The following UNC79 variants were observed in gnomAD, a reference collection of about 807,000 sequenced individuals.
UNC79 encodes unc-79 subunit of NALCN channel complex, also known as protein unc-79 homolog.
UNC79 carries 37 observed loss-of-function variants against 283.1 expected under a neutral mutation model. That is an observed-to-expected ratio of 0.13 (90% CI 0.10 to 0.17). The LOEUF is 0.17. UNC79 is among the 10% of genes least tolerant of loss of function. UNC79 has a pLI of 1.00. For missense variants in UNC79, 2,272 were observed against 3,211.1 expected (o/e 0.71, Z 7.07); for synonymous variants, 1,107 against 1,200.2 (o/e 0.92, Z 1.61).
intron 2 of UNC79, 118 bp from the exon 3 acceptor site, chr14:93,473,971 T>C (rs2057661770): frequency 1.6e-6 from 2 of 1,273,436 alleles, no homozygotes; most frequent in South Asian, 3.1e-5. Flanking sequence ...GGCGTGGCAA[T>C]TGCATCTTAT....
intron 1 of UNC79, among the ~76,000 whole-genome samples, chr14:93,414,650 C>G (rs9707262): frequency 0.084 from 12,731 of 152,160 alleles, 582 homozygotes; most frequent in Middle Eastern, 0.14. Context: ...TTGATTCTTC[C>G]TACTCATGAG....
At chr14:93,468,941 A>G (rs2057359447) in intron 2 of UNC79, among the ~76,000 whole-genome samples, 1 of 152,166 alleles carries the variant, frequency 6.6e-6, no homozygotes, top group Admixed American at 6.5e-5. Context: ...ATCATCAGAA[A>G]AATTTATGAA....
In UNC79 at chr14:93,621,496, C is replaced by G; in HGVS notation, c.4388-125C>G. ...CTTACAAAAACTTGGCCAGAAAGTT[C>G]GTTTTCCCTCCTGGTGGAGCTGGGA... On this transcript the variant is annotated intron_variant, in intron 29 of 48. Coordinates refer to ENST00000555664, the Ensembl canonical transcript of UNC79. The surrounding 1 kb of genome is among the most constrained non-coding windows in gnomAD (Gnocchi z 4.8). 1.6e-6 allele frequency: 2 copies of G among 1,225,892 alleles called. No individual in the cohort carries two copies. The highest frequency in any genetic ancestry group is 6.0e-5 in the Admixed American group (2 of 33,344). 75.9% of individuals were successfully genotyped at this position (1,225,892 alleles called of 1,614,324 possible).
upstream of UNC79, among the ~76,000 whole-genome samples, chr14:93,428,782 A>G (rs540962122): frequency 1.3e-5 from 2 of 152,290 alleles, no homozygotes; most frequent in East Asian, 3.9e-4. Context: ...CTTTAATGTG[A>G]CTATGATATG....
intron 1 of UNC79, among the ~76,000 whole-genome samples, chr14:93,432,595 A>T (rs2055921468): frequency 6.6e-6 from 1 of 151,898 alleles, no homozygotes; most frequent in East Asian, 1.9e-4. Context: ...CTCTCTTGTG[A>T]TTTTTTTTGC....
At chr14:93,670,380 A>G (rs2072712590) in intron 40 of UNC79, among the ~76,000 whole-genome samples, 1 of 152,194 alleles carries the variant, frequency 6.6e-6, no homozygotes, top group Admixed American at 6.5e-5. Flanking sequence ...CTTTTGTCTA[A>G]TTGGTTATAA....
intron 1 of UNC79, among the ~76,000 whole-genome samples, chr14:93,404,493 A>AAAATATATATATATATATATAT: frequency 6.5e-5 from 4 of 61,496 alleles, no homozygotes; most frequent in South Asian, 9.2e-4. Context: ...TTCTAAAAAA[A>AAAATATATATATATATATATAT]ATATATATAT....
At chr14:93,342,643 T>C (rs2053738130) in intron 1 of UNC79, among the ~76,000 whole-genome samples, 1 of 152,242 alleles carries the variant, frequency 6.6e-6, no homozygotes, top group African/African-American at 2.4e-5. Flanking sequence ...GGCTGCAAAT[T>C]TTCCAAACTT....
intron 4 of UNC79, among the ~76,000 whole-genome samples, chr14:93,479,578 G>A (rs2058015147): frequency 1.3e-5 from 2 of 151,216 alleles, no homozygotes; most frequent in Admixed American, 6.6e-5. Context: ...GATTACAGGC[G>A]TGAGCCACTG....
At chr14:93,335,467 CAG>C (rs1271613440) in intron 1 of UNC79, among the ~76,000 whole-genome samples, 1 of 152,190 alleles carries the variant, frequency 6.6e-6, no homozygotes, top group East Asian at 1.9e-4. Context: ...AATAAGAAGA[CAG>C]AGTGAAAAAC....
intron 5 of UNC79, among the ~76,000 whole-genome samples, chr14:93,496,004 AT>A (rs1567002733): frequency 6.6e-6 from 1 of 152,230 alleles, no homozygotes; most frequent in Non-Finnish European, 1.5e-5. Flanking sequence ...CACCATAGCA[AT>A]TGTGAGATAA....
chr14:93,568,986 G>A (rs1280536886), intron 14 of UNC79, among the ~76,000 whole-genome samples: 2 of 152,218 alleles, frequency 1.3e-5, no homozygotes, highest in African/African-American at 2.4e-5. Context: ...AGGCATTGGA[G>A]TTTTCTTAGG....
At chr14:93,433,836 A>G (rs745629703) in intron 1 of UNC79, among the ~76,000 whole-genome samples, 6 of 152,228 alleles carry the variant, frequency 3.9e-5, no homozygotes, top group Non-Finnish European at 8.8e-5. Context: ...TACCTTTGAA[A>G]TGTAATGTAT....
chr14:93,444,853 T>G (rs2056416998), intron 1 of UNC79, among the ~76,000 whole-genome samples: 1 of 152,212 alleles, frequency 6.6e-6, no homozygotes, highest in African/African-American at 2.4e-5. Context: ...GTCCTTTGCT[T>G]TCTATGTAAA....
chr14:93,493,911 T>A (rs1184749735), intron 5 of UNC79, among the ~76,000 whole-genome samples: 13 of 133,796 alleles, frequency 9.7e-5, no homozygotes, highest in African/African-American at 3.3e-4. Flanking sequence ...ATTTTTTTTT[T>A]TTTTTTTTTG....
At chr14:93,430,043 G>A (rs1005005340), upstream of UNC79, among the ~76,000 whole-genome samples, 1 of 152,194 alleles carries the variant, frequency 6.6e-6, no homozygotes, top group African/African-American at 2.4e-5. This position sits in a 1 kb window ranked among gnomAD's most constrained non-coding sequence, Gnocchi z 4.6. Flanking sequence ...CTATTAATAT[G>A]CACGATGCCC....
intron 8 of UNC79, among the ~76,000 whole-genome samples, chr14:93,525,521 C>T (rs1454342074): frequency 3.9e-5 from 6 of 151,946 alleles, no homozygotes; most frequent in Admixed American, 3.9e-4. Flanking sequence ...CTGTGTGCAC[C>T]CCACTGTTGA....
At chr14:93,486,782 A>C (rs1276176132) in intron 4 of UNC79, among the ~76,000 whole-genome samples, 1 of 152,172 alleles carries the variant, frequency 6.6e-6, no homozygotes, top group Non-Finnish European at 1.5e-5. Flanking sequence ...CTTAAACATG[A>C]GAAACAAAGA....
intron 28 of UNC79, 93 bp from the exon 30 acceptor site, chr14:93,618,099 G>A: frequency 7.4e-7 from 1 of 1,353,704 alleles, no homozygotes; most frequent in Non-Finnish European, 1.0e-6. Flanking sequence ...TTATCCCCAA[G>A]AGATACTGCA....
Sources: allele counts gnomAD v4.1 joint callset (sites outside exome capture counted in the v4.1 genomes callset), GRCh38; gene constraint gnomAD v4.1.1; non-coding constraint Gnocchi (gnomAD v3.1); transcripts MANE v1.5; gene names NCBI Gene and HGNC (gene_info 2026-07-23, HGNC 2026-07-21).